GHR: variants seen among roughly 807,000 people sequenced by gnomAD.
GHR encodes GH receptor.
Under a neutral mutation model 67.1 loss-of-function variants are expected in GHR, and 35 were observed. That is an observed-to-expected ratio of 0.52 (90% CI 0.40 to 0.69). GHR has a LOEUF of 0.69. Among genes scored for constraint, GHR ranks in the 30% least tolerant of loss-of-function variants. GHR has a pLI of 0.00. For synonymous variants in GHR, 272 were observed against 269.1 expected (o/e 1.01, Z -0.10); for missense variants, 792 against 764.6 (o/e 1.04, Z -0.42).
At position 42,468,899 on chromosome 5, in the gene GHR, T is replaced by C. The variant is rs184297232; in HGVS notation, c.-12+44944T>C. 2.9e-4 allele frequency: 200 copies of C among 686,578 alleles called. 1 individual carries two copies. In the African/African-American group the frequency reaches 3.6e-3, roughly 12 times the overall value. The allele number at this position is 686,578 out of a possible 1,614,324, so 42.5% of individuals were successfully genotyped here. Reference sequence around the variant, plus strand: ...GCTCGGCGGCACATTCCTCCACGGATTGCAGCGGGCTGCGCCGAGCCAAGA... The same window carrying C: ...GCTCGGCGGCACATTCCTCCACGGACTGCAGCGGGCTGCGCCGAGCCAAGA... On this transcript the variant is annotated intron_variant, in intron 1 of 9. Coordinates refer to ENST00000230882, the MANE Select transcript of GHR (RefSeq NM_000163.5).
intron 3 of GHR, among the ~76,000 whole-genome samples, chr5:42,682,403 G>T (rs776922161): frequency 2.6e-5 from 4 of 152,194 alleles, no homozygotes; most frequent in Non-Finnish European, 5.9e-5. Context: ...GAAGACCTAA[G>T]AGTCTATAGT....
In GHR at chr5:42,444,794, C is replaced by T. The variant is rs572257885; in HGVS notation, c.-12+20839C>T. Among the ~76,000 whole-genome samples, 34 of 152,140 alleles carry T rather than the reference C, an allele frequency of 2.2e-4. 1 individual carries two copies. The highest frequency in any genetic ancestry group is 3.8e-4 in the Non-Finnish European group (26 of 68,036). ...TCTTCTTGTCTTTCGAGGTGGAACT[C>T]AAATGCCACAACGTCAAATGCCACA... is the stretch of plus-strand genomic sequence containing the variant. On this transcript the variant is annotated intron_variant, in intron 1 of 9. Transcript: ENST00000230882.
At chr5:42,503,084 C>T (rs1320440310) in intron 1 of GHR, among the ~76,000 whole-genome samples, 2 of 152,018 alleles carry the variant, frequency 1.3e-5, no homozygotes, top group Admixed American at 6.6e-5. Context: ...TTCTGATTAC[C>T]GGGGTCTCTG....
chr5:42,551,334 A>C (rs1749021301), intron 1 of GHR, among the ~76,000 whole-genome samples: 1 of 152,298 alleles, frequency 6.6e-6, no homozygotes, highest in Non-Finnish European at 1.5e-5. Context: ...GTTAACAGCT[A>C]AGTTGCGGTG....
intron 2 of GHR, among the ~76,000 whole-genome samples, chr5:42,596,666 T>C (rs1025479840): frequency 3.3e-5 from 5 of 152,160 alleles, no homozygotes; most frequent in African/African-American, 1.2e-4. Context: ...GTGTTTGTGG[T>C]TGCAGGTAGT....
At chr5:42,711,117 T>A (rs1219911028) in intron 6 of GHR, 90 bp from the exon 7 acceptor site, 1 of 946,178 alleles carries the variant, frequency 1.1e-6, no homozygotes, top group East Asian at 2.4e-5. Context: ...AAAAATCCAT[T>A]CTGAATAAAA....
intron 1 of GHR, chr5:42,468,508 G>A: frequency 1.3e-6 from 1 of 779,830 alleles, no homozygotes; most frequent in Non-Finnish European, 2.1e-6. Flanking sequence ...GAGGCTGGGG[G>A]ACCAGGACCT....
At chr5:42,715,984 G>A (rs1457502565) in intron 8 of GHR, among the ~76,000 whole-genome samples, 6 of 151,992 alleles carry the variant, frequency 3.9e-5, no homozygotes, top group Admixed American at 6.5e-5. Flanking sequence ...TGTGGCATAA[G>A]GTCACTACAA....
chr5:42,711,812 G>C (rs1384318899), intron 7 of GHR, among the ~76,000 whole-genome samples: 1 of 152,090 alleles, frequency 6.6e-6, no homozygotes, highest in African/African-American at 2.4e-5. Context: ...ACCCAATATT[G>C]AGTCAGCATA....
chr5:42,497,960 C>T (rs12514403), intron 1 of GHR, among the ~76,000 whole-genome samples: 2,904 of 152,250 alleles, frequency 0.019, 158 homozygotes, highest in East Asian at 0.13. Flanking sequence ...CAATGGATTG[C>T]TTTTCCTCTT....
chr5:42,468,068 T>G, intron 1 of GHR: 3 of 950,654 alleles, frequency 3.2e-6, no homozygotes. Context: ...GATGCGGGGG[T>G]TTTCAGCTTC....
chr5:42,465,441 C>G lies in GHR; in HGVS notation c.-12+41486C>G, dbSNP rs762883262. On this transcript the variant is annotated intron_variant, in intron 1 of 9. Coordinates refer to ENST00000230882, the MANE Select transcript of GHR (RefSeq NM_000163.5). The stretch of plus-strand genomic sequence containing the variant: ...TTATTTTGAATAGCCTTCCACTCAT[C>G]CAAAGTCATCTCTTTTGGACCCTCC... The G allele has an allele frequency of 2.7e-4, 433 of 1,575,712 alleles. 1 individual carries two copies. Among genetic ancestry groups the G allele is most frequent in the Non-Finnish European group, 2.0e-4 (232 of 1,147,334 alleles).
intron 2 of GHR, among the ~76,000 whole-genome samples, chr5:42,583,692 G>T (rs1011431253): frequency 2.0e-5 from 3 of 151,978 alleles, no homozygotes; most frequent in African/African-American, 7.3e-5. Context: ...CTTTTTAAAG[G>T]TTTCAAAAAT....
intron 4 of GHR, among the ~76,000 whole-genome samples, chr5:42,693,760 GC>G (rs1052833823): frequency 1.2e-4 from 19 of 152,176 alleles, no homozygotes; most frequent in African/African-American, 4.3e-4. Flanking sequence ...CCACAGTCTG[GC>G]CTGTGAGCCA....
chr5:42,530,255 T>C (rs1198881046), intron 1 of GHR, among the ~76,000 whole-genome samples: 7 of 152,202 alleles, frequency 4.6e-5, no homozygotes, highest in African/African-American at 1.7e-4. Context: ...ACAACATAAT[T>C]CAATTAAAAT....
chr5:42,427,381 A>G (rs1474705728), intron 1 of GHR, among the ~76,000 whole-genome samples: 2 of 152,190 alleles, frequency 1.3e-5, no homozygotes, highest in Non-Finnish European at 2.9e-5. Flanking sequence ...GTGCAGGGGA[A>G]CTGCCCTTTA....
At chr5:42,474,337 G>GAAAGAAAGAAAGAAAGAAAC (rs1280195955) in intron 1 of GHR, among the ~76,000 whole-genome samples, 2 of 41,786 alleles carry the variant, frequency 4.8e-5, no homozygotes. Context: ...AAGAAAGAAA[G>GAAAGAAAGAAAGAAAGAAAC]AAAAGAAATA....
chr5:42,426,144 A>T lies in GHR; in HGVS notation c.-12+2189A>T, dbSNP rs114651940. On this transcript the variant is annotated intron_variant, in intron 1 of 9. Coordinates refer to ENST00000230882, the MANE Select transcript of GHR (RefSeq NM_000163.5). ...AAACAGATGTTTACAGTGCTTGGTA[A>T]CCTATGGGATTGTCATGTTGAGTAT... Among the ~76,000 whole-genome samples the T allele has an allele frequency of 2.7e-3, 407 of 152,256 alleles. 4 individuals carry two copies. Among genetic ancestry groups the T allele is most frequent in the African/African-American group, 9.5e-3 (393 of 41,548 alleles).
chr5:42,504,337 G>C (rs1404318333), intron 1 of GHR, among the ~76,000 whole-genome samples: 1 of 152,182 alleles, frequency 6.6e-6, no homozygotes, highest in Non-Finnish European at 1.5e-5. Context: ...AATGGGGACA[G>C]TGTCAAGCAG....
Sources: gnomAD v4.1 joint callset for allele counts (sites outside exome capture counted in the v4.1 genomes callset) on GRCh38, gnomAD v4.1.1 for gene constraint, MANE v1.5 for transcripts, NCBI Gene and HGNC (gene_info 2026-07-23, HGNC 2026-07-21) for gene names.